CDKN2A: variants seen among roughly 807,000 people sequenced by gnomAD.
CDKN2A encodes cyclin dependent kinase inhibitor 2A.
CDKN2A carries 3 observed loss-of-function variants against 11.1 expected under a neutral mutation model. The observed-to-expected ratio is 0.27, with a 90% CI of 0.12 to 0.70. The LOEUF is 0.70. CDKN2A is among the 30% of genes least tolerant of loss of function. The probability of loss-of-function intolerance (pLI) is 0.77; values close to 1 mark genes in which losing one functional copy is unlikely to be tolerated. For missense variants in CDKN2A, 265 were observed against 233.6 expected (o/e 1.13, Z -0.88); for synonymous variants, 122 against 108.1 (o/e 1.13, Z -0.80).
In CDKN2A at chr9:21,968,511, G is replaced by A; in HGVS notation, c.458-269C>T. 6.9e-7 allele frequency: 1 copy of A among 1,451,246 alleles called. No homozygotes were observed. The highest frequency in any genetic ancestry group is 2.5e-5 in the East Asian group (1 of 40,308). The allele number at this position is 1,451,246 out of a possible 1,614,324, so 89.9% of individuals were successfully genotyped here. ...GGCGGAGGGCAGAGAAAGCGCGACC[G>A]CGCGGCCCGCAGGGTTGCAAGAAGA... On this transcript the variant is annotated intron_variant, in intron 2 of 2. Coordinates refer to ENST00000304494, the MANE Select transcript of CDKN2A (RefSeq NM_000077.5). The surrounding 1 kb of genome is among the most constrained non-coding windows in gnomAD (Gnocchi z 4.7).
chr9:21,994,568 C>G (rs1820553346), intron 1 of CDKN2A: 1 of 1,060,552 alleles, frequency 9.4e-7, no homozygotes, highest in South Asian at 2.2e-5. Flanking sequence ...CGGAACGGCT[C>G]TGAGCCCTGC....
intron 2 of CDKN2A, chr9:21,969,665 C>A (rs1819600759): frequency 2.5e-6 from 1 of 394,608 alleles, no homozygotes; most frequent in African/African-American, 2.1e-5. Context: ...CTTGGCTCCT[C>A]AGGCTTTTTG....
At chr9:21,989,298 T>G (rs1378396169) in intron 2 of CDKN2A, 1 of 152,182 alleles carries the variant, frequency 6.6e-6, no homozygotes, top group African/African-American at 2.4e-5. Context: ...ATTCCCAAGG[T>G]TTTCTCCATC....
In CDKN2A at chr9:21,992,748, A is replaced by G. The variant is rs546708838; in HGVS notation, c.-4+1134T>C. On this transcript the variant is annotated intron_variant, in intron 2 of 3. Transcript: ENST00000494262. Reference sequence around the variant, plus strand: ...AATAATATTAACTAGAGTAATAAATATTTTTATATAGACAATAATATTAAG... The same window carrying G: ...AATAATATTAACTAGAGTAATAAATGTTTTTATATAGACAATAATATTAAG... Among the ~76,000 whole-genome samples the G allele has an allele frequency of 1.6e-3, 243 of 152,054 alleles. 1 individual carries two copies. The highest frequency in any genetic ancestry group is 2.8e-3 in the Non-Finnish European group (192 of 67,944).
In CDKN2A at chr9:21,991,901, T is replaced by G. The variant is rs916649614; in HGVS notation, c.-4+1981A>C. ...CACAGTGCTTACCTTGAGAGGACTC[T>G]GTGCTATTAAAGAAAAAAATAACCT... is the stretch of plus-strand genomic sequence containing the variant. On this transcript the variant is annotated intron_variant, in intron 2 of 3. Transcript: ENST00000494262. This position sits in a 1 kb window ranked among gnomAD's most constrained non-coding sequence, Gnocchi z 5.2. The G allele has an allele frequency of 2.0e-6, 2 of 985,176 alleles. No homozygotes were observed. Among genetic ancestry groups the G allele is most frequent in the African/African-American group, 3.5e-5 (2 of 57,232 alleles). The allele number at this position is 985,176 out of a possible 1,614,324, so 61.0% of individuals were successfully genotyped here.
intron 2 of CDKN2A, chr9:21,970,536 A>G: frequency 2.0e-6 from 1 of 510,766 alleles, no homozygotes; most frequent in East Asian, 3.4e-5. Context: ...AGACCTGGTA[A>G]GTGGATGCAA....
intron 2 of CDKN2A, 81 bp downstream of exon 2, chr9:21,970,821 C>A (rs780297469): frequency 2.7e-5 from 42 of 1,556,074 alleles, no homozygotes; most frequent in Non-Finnish European, 3.6e-5. Context: ...GTCTCCCGGG[C>A]TGAACTTTCT....
At chr9:21,977,586 G>A (rs1416233680), upstream of CDKN2A, among the ~76,000 whole-genome samples, 5 of 151,970 alleles carry the variant, frequency 3.3e-5, no homozygotes, top group Admixed American at 6.6e-5. Flanking sequence ...GGCTTGTCTC[G>A]AACTCCTGAC....
chr9:21,983,278 G>C (rs1238877902), intron 2 of CDKN2A, among the ~76,000 whole-genome samples: 2 of 151,996 alleles, frequency 1.3e-5, no homozygotes, highest in Non-Finnish European at 2.9e-5. Flanking sequence ...GCTGCACATA[G>C]AAAATGAAAA....
rs58206096 is a variant in CDKN2A, at chr9:21,991,295, GTT to G, written c.-4+2585_-4+2586del. Among the ~76,000 whole-genome samples the G allele has an allele frequency of 2.1e-5, 3 of 141,394 alleles. No homozygotes were observed. Among genetic ancestry groups the G allele is most frequent in the Non-Finnish European group, 3.1e-5 (2 of 64,230 alleles). The allele number at this position is 141,394 out of a possible 152,430, so 92.8% of individuals were successfully genotyped here. On this transcript the variant is annotated intron_variant, in intron 2 of 3. Transcript: ENST00000494262. This position sits in a 1 kb window ranked among gnomAD's most constrained non-coding sequence, Gnocchi z 5.2. Reference sequence around the variant, plus strand: ...CATACACTTTCTTAAAGTATCATGAGTTTTTTTTTTTTTTTAAGCTCATCAGC... The same window carrying G: ...CATACACTTTCTTAAAGTATCATGAGTTTTTTTTTTTTTAAGCTCATCAGC...
At chr9:21,982,681 T>G (rs1247346622) in intron 2 of CDKN2A, among the ~76,000 whole-genome samples, 1 of 151,934 alleles carries the variant, frequency 6.6e-6, no homozygotes, top group African/African-American at 2.4e-5. Flanking sequence ...GTAATAAACA[T>G]AATTAGAGGA....
In CDKN2A at chr9:21,991,787, C is replaced by T. The variant is rs1820437003; in HGVS notation, c.-4+2095G>A. 1 of 985,162 alleles carries T rather than the reference C, an allele frequency of 1.0e-6. No individual in the cohort carries two copies. Among genetic ancestry groups the T allele is most frequent in the Non-Finnish European group, 1.2e-6 (1 of 829,770 alleles). 61.0% of individuals were successfully genotyped at this position (985,162 alleles called of 1,614,324 possible). On this transcript the variant is annotated intron_variant, in intron 2 of 3. Coordinates refer to the CDKN2A transcript ENST00000494262. The surrounding 1 kb of genome is among the most constrained non-coding windows in gnomAD (Gnocchi z 5.2). Reference sequence around the variant, plus strand: ...TCAAAGAAGTAAAATGAATATAAGTCTTGATTTCTGAAAGGGCTATGGTTC... The same window carrying T: ...TCAAAGAAGTAAAATGAATATAAGTTTTGATTTCTGAAAGGGCTATGGTTC...
chr9:21,993,939 C>T (rs1820512089), exon 2 of CDKN2A: 4 of 645,582 alleles, frequency 6.2e-6, no homozygotes, highest in Non-Finnish European at 1.1e-5. Context: ...GATTGAGGGG[C>T]TGTGTGAAGG....
At chr9:21,994,086 C>G in intron 1 of CDKN2A, 1 of 1,567,070 alleles carries the variant, frequency 6.4e-7, no homozygotes, top group Non-Finnish European at 8.6e-7. Flanking sequence ...CGAAATCACA[C>G]CAAACAAAAC....
At chr9:21,984,837 C>T (rs1006530478) in intron 2 of CDKN2A, among the ~76,000 whole-genome samples, 11 of 151,922 alleles carry the variant, frequency 7.2e-5, no homozygotes, top group Non-Finnish European at 1.6e-4. Context: ...TTTCTTGGGA[C>T]TCTATAGTCT....
chr9:21,982,019 T>C (rs1381892638), intron 2 of CDKN2A, among the ~76,000 whole-genome samples: 4 of 152,160 alleles, frequency 2.6e-5, no homozygotes, highest in Admixed American at 6.5e-5. Context: ...TATTCTCTAT[T>C]TAATTAAATT....
At chr9:21,972,596 A>T (rs781548320) in intron 1 of CDKN2A, among the ~76,000 whole-genome samples, 1 of 152,234 alleles carries the variant, frequency 6.6e-6, no homozygotes, top group African/African-American at 2.4e-5. Flanking sequence ...ACTGTAAAAT[A>T]ATAATTTTGT....
At chr9:21,979,307 G>A (rs189606456), upstream of CDKN2A, among the ~76,000 whole-genome samples, 7 of 152,276 alleles carry the variant, frequency 4.6e-5, no homozygotes, top group East Asian at 9.7e-4. Flanking sequence ...GGGACACTGC[G>A]TTGACTACTC....
At chr9:21,975,410 T>C (rs576317039), upstream of CDKN2A, among the ~76,000 whole-genome samples, 14 of 152,114 alleles carry the variant, frequency 9.2e-5, no homozygotes, top group Admixed American at 3.3e-4. Context: ...TATTCTTTCC[T>C]AGTTGTGAGA....
Sources: allele counts gnomAD v4.1 joint callset (sites outside exome capture counted in the v4.1 genomes callset), GRCh38; gene constraint gnomAD v4.1.1; non-coding constraint Gnocchi (gnomAD v3.1); transcripts MANE v1.5; gene names NCBI Gene and HGNC (gene_info 2026-07-23, HGNC 2026-07-21).